The following FAM78B variants were observed in gnomAD, a reference collection of about 807,000 sequenced individuals.
FAM78B encodes protein FAM78B.
In FAM78B, 10 loss-of-function variants were observed where a neutral mutation model predicts 20.0. The observed-to-expected ratio is 0.50, with a 90% CI of 0.31 to 0.85. FAM78B has a LOEUF of 0.85. Ranked by LOEUF, FAM78B falls within the 40% of genes least tolerant of loss-of-function variation. The pLI, the probability that FAM78B is intolerant of heterozygous loss-of-function variation, is 0.05. For synonymous variants in FAM78B, 135 were observed against 132.8 expected (o/e 1.02, Z -0.12); for missense variants, 283 against 345.0 (o/e 0.82, Z 1.42).
At chr1:166,105,013 A>G (rs1653710837) in intron 1 of FAM78B, among the ~76,000 whole-genome samples, 1 of 152,202 alleles carries the variant, frequency 6.6e-6, no homozygotes, top group South Asian at 2.1e-4. Flanking sequence ...AGACATATAG[A>G]CCAATGGAAC....
At chr1:166,146,005 A>G (rs1322434121) in intron 1 of FAM78B, among the ~76,000 whole-genome samples, 3 of 152,138 alleles carry the variant, frequency 2.0e-5, no homozygotes, top group African/African-American at 7.2e-5. Context: ...TTTGCGAAGG[A>G]GAGATGATAG....
intron 1 of FAM78B, among the ~76,000 whole-genome samples, chr1:166,083,499 C>T (rs1036469098): frequency 2.6e-5 from 4 of 152,140 alleles, no homozygotes; most frequent in Admixed American, 6.5e-5. Flanking sequence ...ACAAAACCCA[C>T]GCTGTAGGTT....
At chr1:166,083,672 T>G (rs1330395918) in intron 1 of FAM78B, among the ~76,000 whole-genome samples, 1 of 152,180 alleles carries the variant, frequency 6.6e-6, no homozygotes, top group Non-Finnish European at 1.5e-5. Context: ...GCCCAGCTGA[T>G]TTTTGTAGTT....
chr1:166,145,838 A>C (rs1655432798), intron 1 of FAM78B, among the ~76,000 whole-genome samples: 1 of 152,260 alleles, frequency 6.6e-6, no homozygotes, highest in Admixed American at 6.5e-5. Flanking sequence ...CAAATACTGG[A>C]TAATGAGTCA....
At chr1:166,154,592 T>C (rs1655820795) in intron 1 of FAM78B, among the ~76,000 whole-genome samples, 2 of 152,146 alleles carry the variant, frequency 1.3e-5, no homozygotes, top group Non-Finnish European at 1.5e-5. Flanking sequence ...CCTGGGCAGG[T>C]GGCCATCTCT....
intron 1 of FAM78B, among the ~76,000 whole-genome samples, chr1:166,110,017 G>A (rs893220249): frequency 3.4e-5 from 5 of 148,088 alleles, no homozygotes; most frequent in Non-Finnish European, 7.5e-5. Context: ...AGTAACTCAG[G>A]AATGGAAAAC....
intron 2 of FAM78B, among the ~76,000 whole-genome samples, chr1:166,063,993 C>G (rs533970020): frequency 6.6e-6 from 1 of 152,314 alleles, no homozygotes; most frequent in African/African-American, 2.4e-5. Flanking sequence ...GTGAGAAGAG[C>G]TGGTTAGGTT....
intron 1 of FAM78B, among the ~76,000 whole-genome samples, chr1:166,113,882 G>A (rs912694779): frequency 6.6e-6 from 1 of 152,192 alleles, no homozygotes; most frequent in Admixed American, 6.5e-5. Context: ...AGAAGAAGAT[G>A]CCATCTTCGC....
At chr1:166,158,412 T>C (rs564489573) in intron 1 of FAM78B, among the ~76,000 whole-genome samples, 1 of 152,310 alleles carries the variant, frequency 6.6e-6, no homozygotes, top group South Asian at 2.1e-4. Context: ...CACGGCTCCT[T>C]GCTGGCCATG....
chr1:166,065,925 AG>A (rs1651776837), downstream of FAM78B, among the ~76,000 whole-genome samples: 1 of 152,176 alleles, frequency 6.6e-6, no homozygotes, highest in Non-Finnish European at 1.5e-5. Context: ...TGAGTGTGGC[AG>A]GTCTCTGTAT....
intron 1 of FAM78B, among the ~76,000 whole-genome samples, chr1:166,099,764 C>A (rs566378895): frequency 8.5e-5 from 13 of 152,272 alleles, no homozygotes; most frequent in Non-Finnish European, 2.9e-5. Context: ...CTGAAGCTTG[C>A]AAATTTATAA....
Position 166,156,745 on chromosome 1 carries a change from T to C in FAM78B, c.263+9241A>G, listed in dbSNP as rs73046955. On this transcript the variant is annotated intron_variant, in intron 1 of 1. Transcript: ENST00000354422. ...TCTCACTGTCCCCCTAAGGTGGAAATTGCACAACCTTCCTGAGCATGAACA... is the reference window on the plus strand; with the variant it reads ...TCTCACTGTCCCCCTAAGGTGGAAACTGCACAACCTTCCTGAGCATGAACA... Among the ~76,000 whole-genome samples the C allele has an allele frequency of 2.5e-3, 386 of 152,058 alleles. 1 individual carries two copies. Among genetic ancestry groups the C allele is most frequent in the African/African-American group, 8.5e-3 (353 of 41,444 alleles).
At chr1:166,104,954 ATAC>A (rs1347864897) in intron 1 of FAM78B, among the ~76,000 whole-genome samples, 1 of 152,242 alleles carries the variant, frequency 6.6e-6, no homozygotes, top group Non-Finnish European at 1.5e-5. Context: ...ACTTCAAACT[ATAC>A]TACAAGGGTA....
chr1:166,127,104 G>A (rs555104184), intron 1 of FAM78B, among the ~76,000 whole-genome samples: 1 of 152,320 alleles, frequency 6.6e-6, no homozygotes, highest in South Asian at 2.1e-4. Context: ...TAAACTTTCT[G>A]AATGTCAGTA....
At position 166,109,856 on chromosome 1, in the gene FAM78B, A is replaced by ATGTGTG. The variant is rs1261998155; in HGVS notation, c.264-39094_264-39093insCACACA. On this transcript the variant is annotated intron_variant, in intron 1 of 1. Transcript: ENST00000354422. ...TGTATATATGTATATATATATATATATATATGTATGTGTATATATATATAT... is the reference window on the plus strand; with the variant it reads ...TGTATATATGTATATATATATATATATGTGTGTATATGTATGTGTATATATATATAT... Among the ~76,000 whole-genome samples, 21 of 19,374 alleles carry ATGTGTG rather than the reference A, an allele frequency of 1.1e-3. 6 individuals carry two copies. The East Asian group carries it at 0.012, about 11-fold the overall frequency. The allele number at this position is 19,374 out of a possible 152,430, so 12.7% of individuals were successfully genotyped here.
At chr1:166,091,233 C>G (rs1653057324) in intron 1 of FAM78B, among the ~76,000 whole-genome samples, 1 of 152,082 alleles carries the variant, frequency 6.6e-6, no homozygotes, top group Non-Finnish European at 1.5e-5. Flanking sequence ...TGACAGCTCC[C>G]CCATGAAAGT....
chr1:166,163,036 G>A (rs1656212266), intron 1 of FAM78B, among the ~76,000 whole-genome samples: 1 of 152,176 alleles, frequency 6.6e-6, no homozygotes, highest in African/African-American at 2.4e-5. Flanking sequence ...TGCATTTGTC[G>A]TCTTATAATG....
At chr1:166,136,207 T>C (rs1193899510) in intron 1 of FAM78B, among the ~76,000 whole-genome samples, 2 of 152,254 alleles carry the variant, frequency 1.3e-5, no homozygotes, top group Non-Finnish European at 2.9e-5. Flanking sequence ...CAAGACTGTA[T>C]GAATTCTGAT....
intron 1 of FAM78B, among the ~76,000 whole-genome samples, chr1:166,156,033 C>A (rs1571211633): frequency 6.6e-6 from 1 of 152,292 alleles, no homozygotes; most frequent in African/African-American, 2.4e-5. Context: ...ACTGCGGATG[C>A]CGATTTACCG....
Sources: gnomAD v4.1 joint callset for allele counts (sites outside exome capture counted in the v4.1 genomes callset) on GRCh38, gnomAD v4.1.1 for gene constraint, MANE v1.5 for transcripts, NCBI Gene and HGNC (gene_info 2026-07-23, HGNC 2026-07-21) for gene names.